TXNDC9: variants seen among roughly 807,000 people sequenced by gnomAD.
TXNDC9 encodes the protein thioredoxin domain containing 9, also known as thioredoxin domain-containing protein 9.
TXNDC9 carries 7 observed loss-of-function variants against 23.0 expected under a neutral mutation model. The ratio of observed to expected loss-of-function variants is 0.30; its 90% CI spans 0.17 to 0.57. The LOEUF is 0.57. Ranked by LOEUF, TXNDC9 falls within the 20% of genes least tolerant of loss-of-function variation. TXNDC9 has a pLI of 0.90. For synonymous variants in TXNDC9, 72 were observed against 90.6 expected (o/e 0.79, Z 1.17); for missense variants, 198 against 252.6 (o/e 0.78, Z 1.47).
downstream of TXNDC9, among the ~76,000 whole-genome samples, chr2:99,315,134 C>A (rs1358075871): frequency 1.3e-5 from 2 of 150,770 alleles, no homozygotes; most frequent in East Asian, 3.9e-4. Flanking sequence ...GCGATCTTGG[C>A]TCACTGCAAG....
At chr2:99,313,120 C>G in the TXNDC9 span, among the ~76,000 whole-genome samples, 1 of 152,052 alleles carries the variant, frequency 6.6e-6, no homozygotes, top group African/African-American at 2.4e-5. Context: ...TGAGATGGCA[C>G]CATTGCACTC....
chr2:99,332,837 T>A (rs574750872), intron 2 of TXNDC9, 185 bp downstream of exon 2: 18 of 560,874 alleles, frequency 3.2e-5, no homozygotes, highest in Non-Finnish European at 5.3e-5. Flanking sequence ...ATATAGAGAT[T>A]GGGCTAATTT....
chr2:99,320,657 CAAT>C, intron 4 of TXNDC9, among the ~76,000 whole-genome samples: 1 of 152,080 alleles, frequency 6.6e-6, no homozygotes, highest in South Asian at 2.1e-4. Flanking sequence ...GTAAATTACA[CAAT>C]AATTCCTGTT....
chr2:99,333,799 C>G (rs1461153141), intron 1 of TXNDC9, among the ~76,000 whole-genome samples: 1 of 152,062 alleles, frequency 6.6e-6, no homozygotes, highest in Non-Finnish European at 1.5e-5. Flanking sequence ...AAGAAGAGTG[C>G]CTGGTGTTCC....
chr2:99,333,521 A>T (rs976945249), intron 1 of TXNDC9, among the ~76,000 whole-genome samples: 16 of 152,232 alleles, frequency 1.1e-4, no homozygotes, highest in African/African-American at 3.9e-4. Flanking sequence ...CAAGTCTTTA[A>T]GACCATCACC....
At chr2:99,306,637 T>C in the TXNDC9 span, 1 of 346,472 alleles carries the variant, frequency 2.9e-6, no homozygotes, top group Non-Finnish European at 6.0e-6. Context: ...ATGTAGACAT[T>C]TGGAACATGC....
chr2:99,327,736 TC>T (rs1277519004), intron 2 of TXNDC9, 83 bp from the exon 3 acceptor site: 2 of 763,428 alleles, frequency 2.6e-6, no homozygotes, highest in African/African-American at 3.6e-5. Flanking sequence ...CAAATCACCA[TC>T]GTATTTTGTA....
At chr2:99,331,378 C>T (rs1267934780) in intron 2 of TXNDC9, among the ~76,000 whole-genome samples, 1 of 151,796 alleles carries the variant, frequency 6.6e-6, no homozygotes, top group Non-Finnish European at 1.5e-5. Context: ...AATTTGAGAC[C>T]AGCCTGACCA....
intron 1 of TXNDC9, among the ~76,000 whole-genome samples, chr2:99,335,257 A>G (rs2105328044): frequency 6.6e-6 from 1 of 152,318 alleles, no homozygotes; most frequent in South Asian, 2.1e-4. Flanking sequence ...ACAGATTCTG[A>G]CCCACACAGG....
chr2:99,334,109 G>A (rs947346040), intron 1 of TXNDC9, among the ~76,000 whole-genome samples: 7 of 152,216 alleles, frequency 4.6e-5, no homozygotes, highest in Non-Finnish European at 1.0e-4. Context: ...CCAGCACTTT[G>A]GGAGGCCAAG....
At chr2:99,309,367 G>C in the TXNDC9 span, among the ~76,000 whole-genome samples, 1 of 151,448 alleles carries the variant, frequency 6.6e-6, no homozygotes, top group African/African-American at 2.4e-5. Context: ...GTGAGACTCT[G>C]TCTCGAAAAA....
chr2:99,320,969 T>G (rs944072982), intron 4 of TXNDC9, among the ~76,000 whole-genome samples: 5 of 152,188 alleles, frequency 3.3e-5, no homozygotes, highest in African/African-American at 4.8e-5. Flanking sequence ...CTCAAACTCC[T>G]GGCCTCAACT....
At position 99,319,697 on chromosome 2, in the gene TXNDC9, G is replaced by A. The variant is rs2094197073; in HGVS notation, c.666C>T (p.Asp222=). ...TTATTGAGCTCTAATCATCATCAGA[G>A]TCTGAATCATATTTCTTTCCTCGGA... The part of the protein sequence containing the change: ...KTIRGKKYDS[D]SDDD The change falls in exon 5 of 5, where the codon GAC becomes GAT. Residue 222 remains aspartate (D), a synonymous_variant. Coordinates refer to ENST00000264255, the MANE Select transcript of TXNDC9 (RefSeq NM_005783.4). 6.3e-7 allele frequency: 1 copy of A among 1,586,342 alleles called. No homozygotes were observed. The highest frequency in any genetic ancestry group is 8.5e-7 in the Non-Finnish European group (1 of 1,169,716).
chr2:99,306,981 G>T, the TXNDC9 span, among the ~76,000 whole-genome samples: 2 of 151,254 alleles, frequency 1.3e-5, no homozygotes, highest in Non-Finnish European at 2.9e-5. Flanking sequence ...CCAATAATGA[G>T]TTTCTGACAC....
chr2:99,311,133 C>T, the TXNDC9 span, among the ~76,000 whole-genome samples: 233 of 152,282 alleles, frequency 1.5e-3, 4 homozygotes, highest in Non-Finnish European at 5.7e-4. Context: ...TCCAGTGAAC[C>T]TCCCATCTCA....
chr2:99,315,276 A>G (rs1025297911), downstream of TXNDC9, among the ~76,000 whole-genome samples: 3 of 151,916 alleles, frequency 2.0e-5, no homozygotes, highest in African/African-American at 7.3e-5. Context: ...CGTGTTAGCC[A>G]GGATGGTCTC....
the TXNDC9 span, among the ~76,000 whole-genome samples, chr2:99,311,230 G>A: frequency 6.6e-6 from 1 of 152,090 alleles, no homozygotes; most frequent in Non-Finnish European, 1.5e-5. Flanking sequence ...TTCTGACACA[G>A]GAGAATTTTT....
At chr2:99,334,006 A>C (rs770621497) in intron 1 of TXNDC9, among the ~76,000 whole-genome samples, 10 of 152,258 alleles carry the variant, frequency 6.6e-5, no homozygotes, top group Non-Finnish European at 1.5e-4. Context: ...GAACTAATTC[A>C]GATTAGAAAG....
chr2:99,316,162 AAAAAAC>A (rs200229475), downstream of TXNDC9, among the ~76,000 whole-genome samples: 166 of 151,196 alleles, frequency 1.1e-3, 4 homozygotes, highest in East Asian at 0.029. Flanking sequence ...CTGAAAAATG[AAAAAAC>A]AAAAACAAAA....
Sources: gnomAD v4.1 joint callset for allele counts (sites outside exome capture counted in the v4.1 genomes callset) on GRCh38, gnomAD v4.1.1 for gene constraint, MANE v1.5 for transcripts, NCBI Gene and HGNC (gene_info 2026-07-23, HGNC 2026-07-21) for gene names.